The following ZMYM1 variants were observed in gnomAD, a reference collection of about 807,000 sequenced individuals.
The protein encoded by ZMYM1 is zinc finger MYM-type containing 1.
Under a neutral mutation model 60.0 loss-of-function variants are expected in ZMYM1, and 39 were observed. The ratio of observed to expected loss-of-function variants is 0.65; its 90% CI spans 0.50 to 0.85. ZMYM1 has a LOEUF of 0.85. ZMYM1 is among the 40% of genes least tolerant of loss of function. ZMYM1 has a pLI of 0.00. For missense variants in ZMYM1, 1,171 were observed against 1,309.5 expected, an observed-to-expected ratio of 0.89 and a Z score of 1.63; for synonymous variants, 413 against 454.0, an observed-to-expected ratio of 0.91 and a Z score of 1.15.
chr1:35,065,293 CA>C (rs56945075), intron 1 of ZMYM1, among the ~76,000 whole-genome samples: 262 of 134,370 alleles, frequency 1.9e-3, no homozygotes, highest in Admixed American at 1.8e-3. Flanking sequence ...CTTTCGGCAC[CA>C]AAAAAAAAAA....
intron 4 of ZMYM1, among the ~76,000 whole-genome samples, chr1:35,103,523 A>G (rs575298912): frequency 1.3e-5 from 2 of 152,318 alleles, no homozygotes; most frequent in African/African-American, 2.4e-5. Flanking sequence ...CACTGTATGT[A>G]TGTAACACAA....
At chr1:35,094,256 A>C (rs1392510322) in intron 2 of ZMYM1, among the ~76,000 whole-genome samples, 173 bp downstream of exon 2, 2 of 152,242 alleles carry the variant, frequency 1.3e-5, no homozygotes, top group African/African-American at 4.8e-5. Flanking sequence ...TATATGTAAG[A>C]AAATTATTTG....
intron 7 of ZMYM1, among the ~76,000 whole-genome samples, 183 bp from the exon 8 acceptor site, chr1:35,111,589 G>T (rs1032125980): frequency 3.9e-5 from 6 of 152,138 alleles, no homozygotes; most frequent in Non-Finnish European, 8.8e-5. Flanking sequence ...GTGTAATGTT[G>T]TAATTATAAA....
At chr1:35,118,222 CA>C (rs1638527586), downstream of ZMYM1, among the ~76,000 whole-genome samples, 1 of 110,096 alleles carries the variant, frequency 9.1e-6, no homozygotes. Context: ...GCCTGGGCGA[CA>C]AGAGTGAAAC....
chr1:35,098,759 T>G (rs1303473444), intron 4 of ZMYM1, among the ~76,000 whole-genome samples: 2 of 152,104 alleles, frequency 1.3e-5, no homozygotes, highest in African/African-American at 4.8e-5. Context: ...ACAAAAAAAT[T>G]AGCTGAGCAC....
chr1:35,081,755 G>A (rs1310474984), intron 1 of ZMYM1, among the ~76,000 whole-genome samples: 6 of 152,176 alleles, frequency 3.9e-5, no homozygotes, highest in Admixed American at 3.9e-4. Context: ...GAATGCAGTG[G>A]CACAATCTCG....
chr1:35,114,792 T>A lies in ZMYM1; in HGVS notation c.2962T>A (p.Tyr988Asn), dbSNP rs1437815954. 1 of 1,604,962 alleles carries A rather than the reference T, an allele frequency of 6.2e-7. No individual in the cohort carries two copies. The highest frequency in any genetic ancestry group is 8.5e-7 in the Non-Finnish European group (1 of 1,174,934). ...NLKLCFSEFD[Y>N]CKIKQISELL... ...AAAGTTATGTTTTTCGGAGTTTGATTATTGCAAAATAAAGCAAATTTCAGA... is the reference window on the plus strand; with the variant it reads ...AAAGTTATGTTTTTCGGAGTTTGATAATTGCAAAATAAAGCAAATTTCAGA... Residue 988 changes from tyrosine (Y) to asparagine (N), a missense_variant, in exon 10 of 10, where the codon TAT (tyrosine) becomes AAT (asparagine). Physicochemically the swap from Tyr to Asn is moderately radical, Grantham distance 143. Coordinates refer to ENST00000359858, the MANE Select transcript of ZMYM1 (RefSeq NM_024772.5).
chr1:35,104,577 C>T lies in ZMYM1; in HGVS notation c.615C>T (p.Tyr205=), dbSNP rs372486000. The part of the protein sequence containing the change: ...KTAIIQYEVK[Y]QNVKHNLCSN... ...CCTAGATTCAGTATGAAGTAAAATA[C>T]CAAAATGTGAAACATAATCTTTGCA... Residue 205 remains tyrosine (Y), a synonymous_variant, in exon 6 of 10, where the codon TAC becomes TAT. Transcript: ENST00000359858. 51 of 1,613,944 alleles carry T rather than the reference C, an allele frequency of 3.2e-5. No homozygotes were observed. The highest frequency in any genetic ancestry group is 1.6e-4 in the Middle Eastern group (1 of 6,082).
In ZMYM1 at chr1:35,095,809, T is replaced by C; in HGVS notation, c.97-10T>C. On this transcript the variant is annotated splice_polypyrimidine_tract_variant and intron_variant, in intron 2 of 9. Transcript: ENST00000359858. The stretch of plus-strand genomic sequence containing the variant: ...ACTATTTTTAATTATTATTTTTTTT[T>C]TCTTTTTAGGAGTATTGTCATAGGC... 6.4e-7 allele frequency: 1 copy of C among 1,561,726 alleles called. No homozygotes were observed. Among genetic ancestry groups the C allele is most frequent in the Non-Finnish European group, 8.7e-7 (1 of 1,154,188 alleles).
chr1:35,100,949 A>C (rs1643614068), intron 4 of ZMYM1, among the ~76,000 whole-genome samples: 1 of 151,818 alleles, frequency 6.6e-6, no homozygotes, highest in African/African-American at 2.4e-5. Flanking sequence ...GATTGCAGGC[A>C]CATGCCACCC....
At chr1:35,095,517 CAA>C (rs1025137873) in intron 2 of ZMYM1, among the ~76,000 whole-genome samples, 6 of 129,458 alleles carry the variant, frequency 4.6e-5, no homozygotes, top group African/African-American at 9.4e-5. Context: ...AAAAAAAAAA[CAA>C]GTAGGGAAAA....
intron 1 of ZMYM1, among the ~76,000 whole-genome samples, chr1:35,067,958 T>A (rs531454203): frequency 8.6e-5 from 13 of 151,898 alleles, no homozygotes; most frequent in African/African-American, 1.2e-4. Context: ...AATGAAAAAA[T>A]TTTTTAAATT....
intron 3 of ZMYM1, 104 bp from the exon 4 acceptor site, chr1:35,097,213 G>C: frequency 7.4e-7 from 1 of 1,353,968 alleles, no homozygotes; most frequent in Non-Finnish European, 1.0e-6. Context: ...GAGGGCAACA[G>C]AACAAGACCC....
At chr1:35,112,793 A>G (rs182817710) in intron 9 of ZMYM1, among the ~76,000 whole-genome samples, 184 bp from the exon 10 acceptor site, 66 of 151,952 alleles carry the variant, frequency 4.3e-4, no homozygotes, top group South Asian at 1.7e-3. Flanking sequence ...AGGTCCTTCA[A>G]ACATTTAATG....
chr1:35,084,231 T>C (rs1642540327), intron 1 of ZMYM1, among the ~76,000 whole-genome samples: 1 of 152,086 alleles, frequency 6.6e-6, no homozygotes, highest in Non-Finnish European at 1.5e-5. Context: ...CTTCTCCATC[T>C]TTCCTCTGTT....
In ZMYM1 at chr1:35,086,253, T is replaced by C. The variant is rs1042077842; in HGVS notation, c.-75+6811T>C. Among the ~76,000 whole-genome samples the C allele has an allele frequency of 3.3e-5, 5 of 152,260 alleles. No individual in the cohort carries two copies. In the East Asian group the frequency reaches 9.6e-4, roughly 29 times the overall value. On this transcript the variant is annotated intron_variant, in intron 1 of 9. Coordinates refer to ENST00000359858, the MANE Select transcript of ZMYM1 (RefSeq NM_024772.5). ...GTTTTTTCCCAAAATTTTCAATATA[T>C]ACAGAATTTTAAGGTTTTTTCCCAA...
chr1:35,097,141 G>A lies in ZMYM1; in HGVS notation c.170-176G>A, dbSNP rs182541331. 1.8e-3 allele frequency among the ~76,000 whole-genome samples: 273 copies of A among 152,274 alleles called. 4 individuals carry two copies. The highest frequency in any genetic ancestry group is 5.6e-3 in the African/African-American group (234 of 41,560). On this transcript the variant is annotated intron_variant, in intron 3 of 9. Transcript: ENST00000359858. ...ACCAGGTGGTGAGAGGGTCACTTGA[G>A]TACAGGGTGTCAAGGCTGCAGTGAG... is the stretch of plus-strand genomic sequence containing the variant.
At chr1:35,086,632 T>A (rs1220165513) in intron 1 of ZMYM1, among the ~76,000 whole-genome samples, 1 of 152,178 alleles carries the variant, frequency 6.6e-6, no homozygotes, top group African/African-American at 2.4e-5. Context: ...TTATTGTAAC[T>A]GCCTTATATT....
Position 35,114,148 on chromosome 1 carries a change from C to A in ZMYM1, c.2318C>A (p.Ser773Tyr). The A allele has an allele frequency of 6.2e-7, 1 of 1,609,600 alleles. No homozygotes were observed. Among genetic ancestry groups the A allele is most frequent in the Non-Finnish European group, 8.5e-7 (1 of 1,178,922 alleles). Residue 773 changes from serine to tyrosine, a missense_variant, in exon 10 of 10, where the codon TCT (serine) becomes TAT (tyrosine). Transcript: ENST00000359858. ...ELRSALKTLS[S>Y]LFNTICMSGE... ...CGAAGTGCTCTAAAAACTCTCAGTTCTTTGTTCAACACTATTTGTATGTCT... is the reference window on the plus strand; with the variant it reads ...CGAAGTGCTCTAAAAACTCTCAGTTATTTGTTCAACACTATTTGTATGTCT...
Sources: gnomAD v4.1 joint callset for allele counts (sites outside exome capture counted in the v4.1 genomes callset) on GRCh38, gnomAD v4.1.1 for gene constraint, MANE v1.5 for transcripts, NCBI Gene and HGNC (gene_info 2026-07-23, HGNC 2026-07-21) for gene names.